ADAMTSL3: variants seen among roughly 807,000 people sequenced by gnomAD.
The protein encoded by ADAMTSL3 is ADAMTS like 3.
A neutral mutation model predicts 201.7 loss-of-function variants in ADAMTSL3; 128 were observed. The ratio of observed to expected loss-of-function variants is 0.63; its 90% CI spans 0.55 to 0.73. The LOEUF is 0.73. ADAMTSL3 is among the 30% of genes least tolerant of loss of function. ADAMTSL3 has a pLI of 0.00. For synonymous variants in ADAMTSL3, 738 were observed against 748.4 expected (o/e 0.99, Z 0.23); for missense variants, 1,990 against 2,119.6 (o/e 0.94, Z 1.20).
chr15:83,905,885 C>T (rs1385288265), intron 15 of ADAMTSL3, among the ~76,000 whole-genome samples: 3 of 152,120 alleles, frequency 2.0e-5, no homozygotes, highest in Non-Finnish European at 4.4e-5. Context: ...TCATCAAAAT[C>T]AGGAGATTAT....
intron 20 of ADAMTSL3, 150 bp from the exon 21 acceptor site, chr15:83,982,123 T>A: frequency 1.5e-6 from 1 of 659,762 alleles, no homozygotes; most frequent in Non-Finnish European, 2.5e-6. Context: ...ATGTATAATG[T>A]TATTCATGGT....
intron 8 of ADAMTSL3, 56 bp from the exon 9 acceptor site, chr15:83,870,746 T>C (rs141922416): frequency 7.3e-5 from 104 of 1,416,222 alleles, no homozygotes; most frequent in Non-Finnish European, 9.5e-5. Context: ...AAATGTCTTT[T>C]GTAATAAAAT....
Position 84,022,272 on chromosome 15 carries a change from A to G in ADAMTSL3, c.4457+679A>G, listed in dbSNP as rs150142791. ...CTACTCCAGGAGTCTTCTGGTTCTT[A>G]TCTCCCTCTCTGGAGTACTTTGTCC... On this transcript the variant is annotated intron_variant, in intron 26 of 29. Transcript: ENST00000286744. Among the ~76,000 whole-genome samples the G allele has an allele frequency of 9.8e-3, 1,492 of 152,152 alleles. 10 individuals are homozygous for G. Among genetic ancestry groups the G allele is most frequent in the Non-Finnish European group, 0.015 (1,009 of 68,008 alleles).
At position 83,983,141 on chromosome 15, in the gene ADAMTSL3, A is replaced by G. The variant is rs138199825; in HGVS notation, c.3513A>G (p.Thr1171=). The change falls in exon 21 of 30, where the codon ACA becomes ACG. Residue 1171 remains threonine, a synonymous_variant. Coordinates refer to ENST00000286744, the MANE Select transcript of ADAMTSL3 (RefSeq NM_207517.3). ...SSHAKNSGKL[T]FKPKGPVLMR... ...ATGCAAAAAACTCAGGCAAGCTGAC[A>G]TTCAAGCCGAAAGGACCTGTTCTCA... The G allele has an allele frequency of 5.7e-4, 916 of 1,613,952 alleles. 22 individuals carry two copies. The East Asian group carries it at 0.02, about 35-fold the overall frequency.
chr15:83,763,208 T>C (rs1474172829), intron 3 of ADAMTSL3, among the ~76,000 whole-genome samples: 1 of 152,190 alleles, frequency 6.6e-6, no homozygotes, highest in Non-Finnish European at 1.5e-5. Context: ...ACTTTCAAGC[T>C]GACAGTCATT....
intron 20 of ADAMTSL3, among the ~76,000 whole-genome samples, chr15:83,979,114 C>G (rs1247932462): frequency 6.6e-6 from 1 of 152,270 alleles, no homozygotes; most frequent in Non-Finnish European, 1.5e-5. Flanking sequence ...CCAGCTTGAG[C>G]TGTTTAGCCA....
chr15:84,033,767 G>T (rs2068449944), intron 28 of ADAMTSL3, among the ~76,000 whole-genome samples: 1 of 152,150 alleles, frequency 6.6e-6, no homozygotes, highest in South Asian at 2.1e-4. Flanking sequence ...CAGCCACACT[G>T]TCCTTCTGTC....
At chr15:83,937,649 T>TAA (rs2066484105) in intron 17 of ADAMTSL3, among the ~76,000 whole-genome samples, 1 of 150,982 alleles carries the variant, frequency 6.6e-6, no homozygotes, top group Non-Finnish European at 1.5e-5. Context: ...CACATGTACC[T>TAA]AAAATAAAAT....
At chr15:83,857,518 T>C (rs2064764396) in intron 7 of ADAMTSL3, among the ~76,000 whole-genome samples, 1 of 152,200 alleles carries the variant, frequency 6.6e-6, no homozygotes, top group South Asian at 2.1e-4. Flanking sequence ...TGTTCTTGTT[T>C]ATGTAATCTT....
At chr15:83,882,183 A>G (rs1421821292) in intron 9 of ADAMTSL3, among the ~76,000 whole-genome samples, 1 of 152,154 alleles carries the variant, frequency 6.6e-6, no homozygotes, top group Non-Finnish European at 1.5e-5. Flanking sequence ...AAGAAAAAAG[A>G]CAGAAAAAGA....
intron 3 of ADAMTSL3, among the ~76,000 whole-genome samples, chr15:83,759,500 C>T (rs986130879): frequency 6.6e-6 from 1 of 152,222 alleles, no homozygotes; most frequent in African/African-American, 2.4e-5. Context: ...GCTGGAATTA[C>T]AGGCGTGAGC....
intron 4 of ADAMTSL3, among the ~76,000 whole-genome samples, chr15:83,801,671 T>TAA (rs2063524598): frequency 6.0e-5 from 4 of 66,780 alleles, no homozygotes; most frequent in Non-Finnish European, 6.4e-5. Flanking sequence ...TATATATATA[T>TAA]ATATATATAT....
intron 20 of ADAMTSL3, among the ~76,000 whole-genome samples, 184 bp downstream of exon 20, chr15:83,970,821 G>T (rs914531233): frequency 6.6e-6 from 1 of 152,220 alleles, no homozygotes; most frequent in African/African-American, 2.4e-5. Flanking sequence ...TCTAAGAAAA[G>T]TCTGTTTTAA....
chr15:83,998,678 A>G (rs923265862), intron 23 of ADAMTSL3, among the ~76,000 whole-genome samples: 4 of 152,224 alleles, frequency 2.6e-5, no homozygotes, highest in African/African-American at 9.7e-5. Context: ...CAGAACGCAC[A>G]GCTCTTTCTA....
intron 2 of ADAMTSL3, among the ~76,000 whole-genome samples, chr15:83,683,296 T>G (rs2061497674): frequency 6.6e-6 from 1 of 152,174 alleles, no homozygotes; most frequent in Non-Finnish European, 1.5e-5. Flanking sequence ...CTTGCACTGC[T>G]CCATGCTTTC....
At chr15:83,744,973 A>T (rs2062520884) in intron 3 of ADAMTSL3, among the ~76,000 whole-genome samples, 1 of 152,236 alleles carries the variant, frequency 6.6e-6, no homozygotes. Context: ...GCCCAAAGTG[A>T]GAACATGCAT....
rs753820365 is a variant in ADAMTSL3 at position 83,704,296 on chromosome 15, T to G, written c.70-93T>G. ...TTTTGTTTCTTGGTACAGCTATTAATGGTGGATTCTCCTGGAATGGCCTTC... is the reference window on the plus strand; with the variant it reads ...TTTTGTTTCTTGGTACAGCTATTAAGGGTGGATTCTCCTGGAATGGCCTTC... On this transcript the variant is annotated intron_variant, in intron 2 of 29. Coordinates refer to ENST00000286744, the MANE Select transcript of ADAMTSL3 (RefSeq NM_207517.3). The G allele has an allele frequency of 1.8e-4, 284 of 1,563,546 alleles. 2 individuals carry two copies. The highest frequency in any genetic ancestry group is 1.7e-3 in the Middle Eastern group (10 of 5,846).
At chr15:83,750,869 G>A (rs534971885) in intron 3 of ADAMTSL3, among the ~76,000 whole-genome samples, 29 of 152,162 alleles carry the variant, frequency 1.9e-4, no homozygotes, top group Non-Finnish European at 3.4e-4. Flanking sequence ...ATTTTAATTC[G>A]TTGATTCATT....
intron 12 of ADAMTSL3, 89 bp from the exon 13 acceptor site, chr15:83,892,595 T>TA (rs964960281): frequency 7.3e-5 from 94 of 1,287,838 alleles, no homozygotes; most frequent in Non-Finnish European, 9.9e-5. Flanking sequence ...CCACAATTGA[T>TA]ACCTTAAGGC....
Sources: gnomAD v4.1 joint callset for allele counts (sites outside exome capture counted in the v4.1 genomes callset) on GRCh38, gnomAD v4.1.1 for gene constraint, MANE v1.5 for transcripts, NCBI Gene and HGNC (gene_info 2026-07-23, HGNC 2026-07-21) for gene names.